FSTL4: variants seen among roughly 807,000 people sequenced by gnomAD.
FSTL4 encodes the protein follistatin like 4, also known as follistatin-related protein 4.
In FSTL4, 28 loss-of-function variants were observed where a neutral mutation model predicts 78.2. That is an observed-to-expected ratio of 0.36 (90% CI 0.27 to 0.49). The LOEUF (loss-of-function observed/expected upper bound fraction) is 0.49, where lower values mean the gene tolerates loss of function less well. FSTL4 is among the 20% of genes least tolerant of loss of function. The pLI is 0.98. For synonymous variants in FSTL4, 422 were observed against 440.5 expected (o/e 0.96, Z 0.53); for missense variants, 922 against 1,084.9 (o/e 0.85, Z 2.11).
intron 3 of FSTL4, among the ~76,000 whole-genome samples, chr5:133,503,709 C>G (rs1758547635): frequency 6.6e-6 from 1 of 152,214 alleles, no homozygotes; most frequent in African/African-American, 2.4e-5. Flanking sequence ...AGCCCAGTTC[C>G]CTGTGATGCA....
chr5:133,430,214 C>T (rs982564254), intron 3 of FSTL4, among the ~76,000 whole-genome samples: 1 of 152,132 alleles, frequency 6.6e-6, no homozygotes, highest in African/African-American at 2.4e-5. Flanking sequence ...GTAGAAAAAC[C>T]AATTTAGTTA....
chr5:133,576,118 C>T lies in FSTL4; in HGVS notation c.127-8899G>A, dbSNP rs553766406. ...TTTTTGAATCAATATAATATGAGTG[C>T]TGAGCAATATTTTTCATAATCCAAA... On this transcript the variant is annotated intron_variant, in intron 2 of 15. Transcript: ENST00000265342. Among the ~76,000 whole-genome samples, 158 of 152,284 alleles carry T rather than the reference C, an allele frequency of 1.0e-3. 3 individuals are homozygous for T. In the South Asian group the frequency reaches 0.032, roughly 31 times the overall value.
the FSTL4 span, among the ~76,000 whole-genome samples, chr5:133,770,924 G>A: frequency 6.6e-6 from 1 of 151,788 alleles, no homozygotes; most frequent in South Asian, 2.1e-4. Flanking sequence ...TATGCATCTA[G>A]TTTCCTTCTT....
intron 3 of FSTL4, among the ~76,000 whole-genome samples, chr5:133,511,036 G>C (rs937631751): frequency 1.3e-5 from 2 of 152,202 alleles, no homozygotes; most frequent in African/African-American, 4.8e-5. Context: ...TCCAGCTCAA[G>C]GAGTTTTTGC....
chr5:133,656,672 G>A, the FSTL4 span, among the ~76,000 whole-genome samples: 2 of 152,188 alleles, frequency 1.3e-5, no homozygotes, highest in Non-Finnish European at 2.9e-5. Context: ...GCAGTGTGTT[G>A]AGAATGGCAT....
At chr5:133,422,311 C>T (rs796605040) in intron 3 of FSTL4, among the ~76,000 whole-genome samples, 1 of 151,958 alleles carries the variant, frequency 6.6e-6, no homozygotes, top group Non-Finnish European at 1.5e-5. Context: ...ATGCTGGCTG[C>T]TGGGTGGAGG....
At chr5:133,522,066 C>T (rs1273163335) in intron 3 of FSTL4, among the ~76,000 whole-genome samples, 12 of 152,140 alleles carry the variant, frequency 7.9e-5, no homozygotes, top group Non-Finnish European at 2.9e-5. Context: ...CCCAGGCCCT[C>T]AGAGTTCCCC....
chr5:133,702,084 T>G, the FSTL4 span, among the ~76,000 whole-genome samples: 1 of 152,208 alleles, frequency 6.6e-6, no homozygotes, highest in Non-Finnish European at 1.5e-5. Flanking sequence ...GAAGCAGATA[T>G]CCACATGTCC....
chr5:133,745,027 G>C, the FSTL4 span, among the ~76,000 whole-genome samples: 2 of 152,230 alleles, frequency 1.3e-5, no homozygotes, highest in East Asian at 3.8e-4. Context: ...TTTCAGGAAT[G>C]AGGAGCCGGA....
At chr5:133,475,475 A>G (rs1757910557) in intron 3 of FSTL4, among the ~76,000 whole-genome samples, 2 of 152,214 alleles carry the variant, frequency 1.3e-5, no homozygotes. Flanking sequence ...AAGCTATTTT[A>G]TCTCTGGAGA....
intron 2 of FSTL4, among the ~76,000 whole-genome samples, chr5:133,582,125 G>A (rs974642886): frequency 6.0e-4 from 92 of 152,322 alleles, no homozygotes; most frequent in African/African-American, 2.1e-3. Context: ...GCCCACACTC[G>A]CCTTCCATGA....
rs528915419 is a variant in FSTL4, at chr5:133,198,908, C to A, written c.*187G>T. 5 of 475,670 alleles carry A rather than the reference C, an allele frequency of 1.1e-5. No individual in the cohort carries two copies. Among genetic ancestry groups the A allele is most frequent in the Non-Finnish European group, 1.9e-5 (5 of 270,194 alleles). The allele number at this position is 475,670 out of a possible 1,614,324, so 29.5% of individuals were successfully genotyped here. A position where few individuals can be genotyped will look rare whatever the true frequency, so the allele number is the denominator to read the frequency against. On this transcript the variant is annotated 3_prime_UTR_variant, in exon 16 of 16. Transcript: ENST00000265342. The stretch of plus-strand genomic sequence containing the variant: ...TCAAGGCATAAATCATACTTCCTAA[C>A]GAAAAAACCCCAATCTTGGTAGCAG...
the FSTL4 span, among the ~76,000 whole-genome samples, chr5:133,721,835 A>G: frequency 1.5e-4 from 23 of 152,234 alleles, no homozygotes; most frequent in East Asian, 4.4e-3. Context: ...AAAACCTAAG[A>G]AGTTTTCAGT....
rs1486197196 is a variant in FSTL4, at chr5:133,199,300, T to C, written c.2324A>G (p.Lys775Arg). Residue 775 changes from lysine (K) to arginine (R), a missense_variant, in exon 16 of 16, where the codon AAG (lysine) becomes AGG (arginine). Lys to Arg is a conservative substitution (Grantham distance 26). Coordinates refer to ENST00000265342, the MANE Select transcript of FSTL4 (RefSeq NM_015082.2). The surrounding 1 kb of genome is among the most constrained non-coding windows in gnomAD (Gnocchi z 4.4). ...CCCTGCGGGTGGCTCCTTTAAGTTC[T>C]TCAGCATGCCCACCTTCCCCGTGGA... Reference protein sequence around the residue: ...ELSTGKVGMLKNLKEPPAGPA... With the variant: ...ELSTGKVGMLRNLKEPPAGPA... 1.2e-6 allele frequency: 2 copies of C among 1,614,002 alleles called. No homozygotes were observed.
chr5:133,665,243 G>C, the FSTL4 span, among the ~76,000 whole-genome samples: 22 of 152,176 alleles, frequency 1.4e-4, no homozygotes, highest in African/African-American at 5.3e-4. Context: ...AACCTCAGTG[G>C]CTTGACCCAG....
At chr5:133,769,326 G>A in the FSTL4 span, among the ~76,000 whole-genome samples, 1 of 152,212 alleles carries the variant, frequency 6.6e-6, no homozygotes, top group Non-Finnish European at 1.5e-5. Context: ...TCATTTATAA[G>A]GAGAAGTGAC....
At chr5:133,633,814 G>A in the FSTL4 span, among the ~76,000 whole-genome samples, 5 of 151,976 alleles carry the variant, frequency 3.3e-5, no homozygotes, top group Non-Finnish European at 5.9e-5. Flanking sequence ...ACTCCCCAGT[G>A]GGTATAGAAG....
intron 6 of FSTL4, among the ~76,000 whole-genome samples, chr5:133,304,071 C>T (rs1274697205): frequency 2.0e-5 from 3 of 152,132 alleles, no homozygotes; most frequent in Non-Finnish European, 4.4e-5. Context: ...ATCCTAAGCC[C>T]GTCAACACCT....
At chr5:133,789,508 T>C in the FSTL4 span, among the ~76,000 whole-genome samples, 3 of 152,176 alleles carry the variant, frequency 2.0e-5, no homozygotes, top group African/African-American at 4.8e-5. Flanking sequence ...AGGGAAAAAG[T>C]AGAAGTCCCT....
Sources: gnomAD v4.1 joint callset for allele counts (sites outside exome capture counted in the v4.1 genomes callset) on GRCh38, gnomAD v4.1.1 for gene constraint, Gnocchi (gnomAD v3.1) non-coding constraint, MANE v1.5 for transcripts, NCBI Gene and HGNC (gene_info 2026-07-23, HGNC 2026-07-21) for gene names.